VPS13B: variants seen among roughly 807,000 people sequenced by gnomAD.
VPS13B encodes vacuolar protein sorting 13 homolog B.
A neutral mutation model predicts 426.4 loss-of-function variants in VPS13B; 285 were observed. The ratio of observed to expected loss-of-function variants is 0.67; its 90% CI spans 0.61 to 0.74. The LOEUF (loss-of-function observed/expected upper bound fraction) is 0.74, where lower values mean the gene tolerates loss of function less well. Ranked by LOEUF, VPS13B falls within the 30% of genes least tolerant of loss-of-function variation. VPS13B has a pLI of 0.00. For missense variants in VPS13B, 4,537 were observed against 4,782.6 expected (o/e 0.95, Z 1.51); for synonymous variants, 1,676 against 1,676.4 (o/e 1.00, Z 0.01).
chr8:99,693,770 A>G (rs1425266279), intron 35 of VPS13B, among the ~76,000 whole-genome samples: 10 of 148,348 alleles, frequency 6.7e-5, no homozygotes, highest in Admixed American at 3.4e-4. Context: ...CTGTTTGCAG[A>G]CGACATGATT....
At chr8:99,143,932 G>C (rs144777189) in intron 13 of VPS13B, among the ~76,000 whole-genome samples, 5 of 152,272 alleles carry the variant, frequency 3.3e-5, no homozygotes, top group African/African-American at 1.2e-4. Flanking sequence ...ACTAGGTTCT[G>C]TCTACTGGGA....
At chr8:99,669,266 ATT>A (rs34908236) in intron 35 of VPS13B, among the ~76,000 whole-genome samples, 1 of 151,430 alleles carries the variant, frequency 6.6e-6, no homozygotes, top group Non-Finnish European at 1.5e-5. Flanking sequence ...TTGAAATGCA[ATT>A]TTTTTTTAAT....
intron 21 of VPS13B, among the ~76,000 whole-genome samples, chr8:99,400,284 TAAG>T (rs1282125266): frequency 3.9e-5 from 6 of 152,048 alleles, no homozygotes; most frequent in Non-Finnish European, 8.8e-5. Context: ...GAGGGGGAAA[TAAG>T]AACCCCCATC....
intron 19 of VPS13B, among the ~76,000 whole-genome samples, chr8:99,277,767 G>A (rs1049999660): frequency 2.0e-5 from 3 of 152,018 alleles, no homozygotes; most frequent in Admixed American, 2.0e-4. Flanking sequence ...TGTTTCCCCT[G>A]CTATTAGAAT....
At chr8:99,866,599 C>T (rs543382098) in intron 58 of VPS13B, among the ~76,000 whole-genome samples, 1 of 152,262 alleles carries the variant, frequency 6.6e-6, no homozygotes, top group Non-Finnish European at 1.5e-5. Context: ...CCAGAGAAAA[C>T]GGAAGAGCAG....
chr8:99,436,574 C>T (rs1250438508), intron 22 of VPS13B, among the ~76,000 whole-genome samples: 3 of 152,056 alleles, frequency 2.0e-5, no homozygotes, highest in Admixed American at 2.0e-4. Context: ...TTATATATGA[C>T]CTAGGTACTT....
intron 23 of VPS13B, among the ~76,000 whole-genome samples, chr8:99,456,367 C>T (rs1045208361): frequency 1.1e-4 from 16 of 152,062 alleles, no homozygotes; most frequent in Middle Eastern, 3.2e-3. Flanking sequence ...CAGCGTTTCA[C>T]CATCTTGGCC....
intron 36 of VPS13B, among the ~76,000 whole-genome samples, chr8:99,710,610 G>A (rs948152403): frequency 2.3e-4 from 34 of 144,768 alleles, no homozygotes; most frequent in Non-Finnish European, 1.1e-4. Context: ...GATTACTTTC[G>A]TATTTTGTGG....
intron 23 of VPS13B, among the ~76,000 whole-genome samples, chr8:99,446,975 A>G (rs753473370): frequency 5.9e-5 from 9 of 152,228 alleles, no homozygotes; most frequent in Middle Eastern, 6.8e-3. Flanking sequence ...TCTTGATTCT[A>G]TTTAAAACTC....
intron 17 of VPS13B, among the ~76,000 whole-genome samples, chr8:99,236,468 T>C (rs13278449): frequency 6.6e-6 from 1 of 152,190 alleles, no homozygotes; most frequent in Non-Finnish European, 1.5e-5. Flanking sequence ...CAGGCTGGTC[T>C]TGAACTCCTG....
intron 7 of VPS13B, 61 bp downstream of exon 7, chr8:99,115,935 T>C: frequency 6.5e-7 from 1 of 1,542,196 alleles, no homozygotes; most frequent in East Asian, 2.3e-5. Context: ...GTTTTACCAT[T>C]GGGAAACTTT....
At chr8:99,475,071 T>C (rs1024868263) in intron 24 of VPS13B, among the ~76,000 whole-genome samples, 1 of 152,168 alleles carries the variant, frequency 6.6e-6, no homozygotes, top group African/African-American at 2.4e-5. Flanking sequence ...ATCATTATGC[T>C]GACTGAAAGA....
intron 59 of VPS13B, 90 bp downstream of exon 59, chr8:99,868,555 A>C: frequency 6.9e-7 from 1 of 1,454,682 alleles, no homozygotes; most frequent in Non-Finnish European, 9.4e-7. Flanking sequence ...GTAACCTTTC[A>C]CATGGCAGAC....
At chr8:99,216,193 G>C (rs1815382319) in intron 17 of VPS13B, among the ~76,000 whole-genome samples, 1 of 152,046 alleles carries the variant, frequency 6.6e-6, no homozygotes, top group Non-Finnish European at 1.5e-5. Flanking sequence ...AATTGCTTTT[G>C]TTCACTATGC....
In VPS13B at chr8:99,742,051, C is replaced by T. The variant is rs544052119; in HGVS notation, c.7050+21004C>T. ...GAATCCAGGAGCTGGTCTTTTGAAACGATCAACAAAATTGATAGACCACTA... is the reference window on the plus strand; with the variant it reads ...GAATCCAGGAGCTGGTCTTTTGAAATGATCAACAAAATTGATAGACCACTA... On this transcript the variant is annotated intron_variant, in intron 39 of 61. Transcript: ENST00000357162. Among the ~76,000 whole-genome samples the T allele has an allele frequency of 9.5e-4, 145 of 151,886 alleles. 2 individuals are homozygous for T. Among genetic ancestry groups the T allele is most frequent in the Middle Eastern group, 3.4e-3 (1 of 294 alleles).
chr8:99,778,660 T>C, intron 41 of VPS13B, 22 bp from the exon 42 acceptor site: 1 of 1,605,050 alleles, frequency 6.2e-7, no homozygotes, highest in Non-Finnish European at 8.5e-7. Flanking sequence ...ATTGCTGTTT[T>C]CCTTGTTTGT....
rs746785338 is a variant in VPS13B at position 99,136,692 on chromosome 8, C to A, written c.1591C>A (p.Gln531Lys). ...KETYTEIAGM[Q>K]RFGAFYMDYL... ...GACATACACTGAGATAGCTGGAATGCAACGGTTTGGGGCTTTTTATATGGA... is the reference window on the plus strand; with the variant it reads ...GACATACACTGAGATAGCTGGAATGAAACGGTTTGGGGCTTTTTATATGGA... Residue 531 changes from glutamine to lysine, a missense_variant, in exon 12 of 62, where the codon CAA becomes AAA. This residue lies in a region of VPS13B where 4,311 missense variants were observed against 4,474.3 expected (regional missense o/e 0.96). Coordinates refer to ENST00000357162, the MANE Select transcript of VPS13B (RefSeq NM_152564.5). 6.2e-7 allele frequency: 1 copy of A among 1,613,610 alleles called. No individual in the cohort carries two copies. The highest frequency in any genetic ancestry group is 8.5e-7 in the Non-Finnish European group (1 of 1,179,654).
chr8:99,014,110 C>CTTTTTTTTTTTTTTTTTTTTTTTTTTT lies in VPS13B; in HGVS notation c.147+200_147+201insTTTTTTTTTTTTTTTTTTTTTTTTTTT, dbSNP rs1211028912. Among the ~76,000 whole-genome samples, 40 of 72,312 alleles carry CTTTTTTTTTTTTTTTTTTTTTTTTTTT rather than the reference C, an allele frequency of 5.5e-4. 5 individuals carry two copies. The highest frequency in any genetic ancestry group is 1.0e-3 in the East Asian group (2 of 1,920). The allele number at this position is 72,312 out of a possible 152,430, so 47.4% of individuals were successfully genotyped here. ...TACACTATTTTCTTTTTCTTTCTTT[C>CTTTTTTTTTTTTTTTTTTTTTTTTTTT]TTTTTTTTTTTTTTTTTTTTTTTTT... On this transcript the variant is annotated intron_variant, in intron 2 of 61. Transcript: ENST00000357162.
Position 99,121,424 on chromosome 8 carries a change from A to C in VPS13B, c.1185A>C (p.Thr395=). The C allele has an allele frequency of 6.2e-7, 1 of 1,614,210 alleles. No individual in the cohort carries two copies. The highest frequency in any genetic ancestry group is 8.5e-7 in the Non-Finnish European group (1 of 1,180,020). The change falls in exon 8 of 62, where the codon ACA becomes ACC. Residue 395 remains threonine (T), a synonymous_variant. Coordinates refer to ENST00000357162, the MANE Select transcript of VPS13B (RefSeq NM_152564.5). The stretch of plus-strand genomic sequence containing the variant: ...TTGTTTCTATAGGATTTTATTGCAC[A>C]AAGGCAACGGTGACTTTCAAAGTAG... ...DPIVSIGFYC[T]KATVTFKLTE...
Sources: allele counts gnomAD v4.1 joint callset (sites outside exome capture counted in the v4.1 genomes callset), GRCh38; gene constraint gnomAD v4.1.1; regional missense constraint gnomAD v4.1.1; transcripts MANE v1.5; gene names NCBI Gene and HGNC (gene_info 2026-07-23, HGNC 2026-07-21).